Variants in EYS observed in about 807,000 individuals in gnomAD.
EYS encodes the protein protein eyes shut homolog.
A neutral mutation model predicts 282.1 loss-of-function variants in EYS; 250 were observed. That is an observed-to-expected ratio of 0.89 (90% CI 0.80 to 0.98). The LOEUF (loss-of-function observed/expected upper bound fraction) is 0.98. EYS is among the 50% of genes least tolerant of loss of function. EYS has a pLI of 0.00. For synonymous variants in EYS, 1,355 were observed against 1,282.9 expected, an observed-to-expected ratio of 1.06 and a Z score of -1.20; for missense variants, 4,016 against 3,709.0, an observed-to-expected ratio of 1.08 and a Z score of -2.15.
intron 22 of EYS, among the ~76,000 whole-genome samples, chr6:64,748,083 T>C (rs1422209509): frequency 6.6e-6 from 1 of 152,132 alleles, no homozygotes; most frequent in Non-Finnish European, 1.5e-5. Flanking sequence ...GAACATAGAT[T>C]TCTACAAACT....
intron 5 of EYS, among the ~76,000 whole-genome samples, chr6:65,482,984 C>T (rs1197568699): frequency 6.6e-6 from 1 of 152,068 alleles, no homozygotes; most frequent in African/African-American, 2.4e-5. Context: ...CATTTCCTGG[C>T]ATTAATCAAA....
chr6:65,598,160 C>T (rs949704319), intron 2 of EYS, among the ~76,000 whole-genome samples: 3 of 150,832 alleles, frequency 2.0e-5, no homozygotes, highest in South Asian at 4.2e-4. Flanking sequence ...TTTAAGTCCT[C>T]ACTGCTAAAT....
intron 16 of EYS, among the ~76,000 whole-genome samples, chr6:64,904,453 T>C (rs532303777): frequency 2.0e-5 from 3 of 152,206 alleles, no homozygotes; most frequent in Non-Finnish European, 4.4e-5. Context: ...TCAATCGCCA[T>C]TGCTGTTTTC....
chr6:64,890,311 C>T (rs1421984394), intron 18 of EYS, among the ~76,000 whole-genome samples: 2 of 152,064 alleles, frequency 1.3e-5, no homozygotes, highest in African/African-American at 2.4e-5. Flanking sequence ...ATTCTATTAC[C>T]TTGTAAAGTA....
intron 15 of EYS, among the ~76,000 whole-genome samples, chr6:64,917,533 T>C (rs1768204432): frequency 6.6e-6 from 1 of 152,124 alleles, no homozygotes. Flanking sequence ...TAAAATGTTG[T>C]TTATCAGCTA....
At chr6:64,227,220 G>A (rs2150336293) in intron 31 of EYS, among the ~76,000 whole-genome samples, 1 of 151,732 alleles carries the variant, frequency 6.6e-6, no homozygotes, top group Non-Finnish European at 1.5e-5. Context: ...AATTTTTTGG[G>A]CTCACCCAAT....
intron 22 of EYS, among the ~76,000 whole-genome samples, chr6:64,736,854 A>C (rs771607532): frequency 3.3e-5 from 5 of 152,208 alleles, no homozygotes; most frequent in Non-Finnish European, 5.9e-5. Flanking sequence ...TCACACAAAG[A>C]AACATAAAAT....
chr6:64,791,205 T>C (rs1774180751), intron 22 of EYS, among the ~76,000 whole-genome samples: 2 of 151,870 alleles, frequency 1.3e-5, no homozygotes, highest in Admixed American at 6.6e-5. Flanking sequence ...ATTGAACTTT[T>C]ACAAGTTTTA....
At chr6:65,695,182 AC>A (rs375438447) in intron 1 of EYS, among the ~76,000 whole-genome samples, 57 of 152,256 alleles carry the variant, frequency 3.7e-4, no homozygotes, top group African/African-American at 1.3e-3. Context: ...ATTAGGCACC[AC>A]TGAGAAATTT....
chr6:65,112,815 T>C (rs1010937853), intron 12 of EYS, among the ~76,000 whole-genome samples: 1 of 152,132 alleles, frequency 6.6e-6, no homozygotes, highest in African/African-American at 2.4e-5. Flanking sequence ...TCTCTACCAG[T>C]TGAAGATAAT....
At chr6:64,822,116 A>G (rs1764917061) in intron 20 of EYS, among the ~76,000 whole-genome samples, 1 of 152,084 alleles carries the variant, frequency 6.6e-6, no homozygotes, top group East Asian at 1.9e-4. Flanking sequence ...AGCAAGCAGC[A>G]TGATGCATCT....
At chr6:64,551,396 A>G (rs763028256) in intron 26 of EYS, among the ~76,000 whole-genome samples, 5 of 152,010 alleles carry the variant, frequency 3.3e-5, no homozygotes, top group African/African-American at 4.8e-5. Context: ...GTTGTTGCAC[A>G]TCTGATCACT....
intron 2 of EYS, among the ~76,000 whole-genome samples, chr6:65,548,819 T>G (rs947681560): frequency 1.3e-5 from 2 of 152,186 alleles, no homozygotes; most frequent in Non-Finnish European, 2.9e-5. Context: ...AACTCAAACT[T>G]GCTCAAAGAC....
chr6:65,568,127 C>T (rs866271600), intron 2 of EYS, among the ~76,000 whole-genome samples: 7 of 152,054 alleles, frequency 4.6e-5, no homozygotes, highest in Non-Finnish European at 8.8e-5. Context: ...TGATGACTGT[C>T]TCTGAGGATT....
intron 12 of EYS, among the ~76,000 whole-genome samples, chr6:65,272,027 A>G (rs1767920158): frequency 6.6e-6 from 1 of 152,196 alleles, no homozygotes; most frequent in Non-Finnish European, 1.5e-5. Flanking sequence ...TACAGCTTTC[A>G]GATTGTGTAC....
rs567272784 is a variant in EYS, at chr6:64,088,393, A to G, written c.6425-6391T>C. 2.5e-3 allele frequency among the ~76,000 whole-genome samples: 374 copies of G among 152,142 alleles called. 1 individual carries two copies. Among genetic ancestry groups the G allele is most frequent in the African/African-American group, 8.5e-3 (353 of 41,550 alleles). On this transcript the variant is annotated intron_variant, in intron 31 of 42. Coordinates refer to ENST00000503581, the MANE Select transcript of EYS (RefSeq NM_001142800.2). ...CTGACTACAAAATGACATCTAAAAT[A>G]TACTCTGCAATGTTTGAATGTCTTA...
chr6:64,393,003 T>C (rs1376264695), intron 28 of EYS, among the ~76,000 whole-genome samples: 2 of 152,178 alleles, frequency 1.3e-5, no homozygotes, highest in Non-Finnish European at 2.9e-5. Flanking sequence ...CAAACACCTC[T>C]ACGCAAATAC....
intron 12 of EYS, among the ~76,000 whole-genome samples, chr6:65,060,286 T>C (rs1318531468): frequency 1.3e-5 from 2 of 151,868 alleles, no homozygotes; most frequent in African/African-American, 2.4e-5. Flanking sequence ...GGATTTTGCA[T>C]CATATTTTAT....
chr6:65,416,472 T>C (rs1170600246), intron 5 of EYS, among the ~76,000 whole-genome samples: 1 of 151,920 alleles, frequency 6.6e-6, no homozygotes, highest in Non-Finnish European at 1.5e-5. Context: ...AGTAAAATAT[T>C]TAAGCAGCAA....
Sources: gnomAD v4.1 joint callset for allele counts (sites outside exome capture counted in the v4.1 genomes callset) on GRCh38, gnomAD v4.1.1 for gene constraint, MANE v1.5 for transcripts, NCBI Gene and HGNC (gene_info 2026-07-23, HGNC 2026-07-21) for gene names.